FAM117B: variants seen among roughly 807,000 people sequenced by gnomAD.
FAM117B encodes the protein family with sequence similarity 117 member B.
FAM117B carries 22 observed loss-of-function variants against 52.8 expected under a neutral mutation model. The observed-to-expected ratio is 0.42, with a 90% confidence interval of 0.30 to 0.59. FAM117B has a LOEUF of 0.59. FAM117B is among the 20% of genes least tolerant of loss of function. The pLI, the probability that FAM117B is intolerant of heterozygous loss-of-function variation, is 0.22. For missense variants in FAM117B, 678 were observed against 802.6 expected (o/e 0.84, Z 1.88); for synonymous variants, 309 against 324.1 (o/e 0.95, Z 0.50).
At chr2:202,716,801 AAAGACTCTAATGCATTCTT>A (rs1257471526) in intron 2 of FAM117B, among the ~76,000 whole-genome samples, 1 of 152,046 alleles carries the variant, frequency 6.6e-6, no homozygotes, top group African/African-American at 2.4e-5. Context: ...TCTACTACTA[AAAGACTCTAATGCATTCTT>A]AAGTATGTCA....
chr2:202,739,221 C>A (rs1042919896), intron 4 of FAM117B, among the ~76,000 whole-genome samples: 6 of 152,126 alleles, frequency 3.9e-5, no homozygotes, highest in Non-Finnish European at 8.8e-5. Context: ...CCCATATGTT[C>A]TGTTGTTTTC....
intron 2 of FAM117B, among the ~76,000 whole-genome samples, chr2:202,705,143 C>T (rs1393702101): frequency 6.6e-6 from 1 of 151,806 alleles, no homozygotes; most frequent in African/African-American, 2.4e-5. Context: ...CCCATCTCTA[C>T]TAAAAATACA....
intron 1 of FAM117B, among the ~76,000 whole-genome samples, chr2:202,640,297 T>TATATATAC (rs1689750340): frequency 6.0e-5 from 1 of 16,600 alleles, no homozygotes; most frequent in African/African-American, 2.3e-4. Flanking sequence ...CACCACAAAA[T>TATATATAC]ATATATATAT....
chr2:202,652,597 G>A (rs1271213338), intron 1 of FAM117B, among the ~76,000 whole-genome samples: 4 of 152,174 alleles, frequency 2.6e-5, no homozygotes, highest in East Asian at 3.8e-4. Context: ...TGATATGGCC[G>A]TATGTGGCTC....
intron 2 of FAM117B, among the ~76,000 whole-genome samples, chr2:202,697,536 T>G (rs1275693938): frequency 2.7e-5 from 4 of 149,834 alleles, no homozygotes; most frequent in African/African-American, 1.0e-4. Flanking sequence ...TTTTGAAGAT[T>G]TTTTTTTTCT....
At chr2:202,735,371 CTT>C (rs1210969425) in intron 4 of FAM117B, among the ~76,000 whole-genome samples, 3 of 152,262 alleles carry the variant, frequency 2.0e-5, no homozygotes, top group Non-Finnish European at 4.4e-5. Context: ...AAATTAATCT[CTT>C]AACATTGAAG....
chr2:202,644,053 G>GTTTT lies in FAM117B; in HGVS notation c.601+8272_601+8275dup, dbSNP rs1219743876. Among the ~76,000 whole-genome samples, 561 of 59,806 alleles carry GTTTT rather than the reference G, an allele frequency of 9.4e-3. 51 individuals carry two copies. The highest frequency in any genetic ancestry group is 0.031 in the African/African-American group (388 of 12,380). 39.2% of individuals were successfully genotyped at this position (59,806 alleles called of 152,430 possible). ...ATGCTATACTACTGCTTTAGGAGCT[G>GTTTT]TTTTTTTTTTGTTTTTTTTTTTTTT... On this transcript the variant is annotated intron_variant, in intron 1 of 7. Coordinates refer to ENST00000392238, the MANE Select transcript of FAM117B (RefSeq NM_173511.4).
At chr2:202,763,387 T>G (rs1317791568) in intron 7 of FAM117B, among the ~76,000 whole-genome samples, 1 of 152,192 alleles carries the variant, frequency 6.6e-6, no homozygotes, top group African/African-American at 2.4e-5. Flanking sequence ...AAGTCATTTT[T>G]AAGAAGATAA....
chr2:202,682,520 G>A (rs1045513142), intron 1 of FAM117B, among the ~76,000 whole-genome samples: 2 of 152,208 alleles, frequency 1.3e-5, no homozygotes, highest in African/African-American at 4.8e-5. Context: ...ATGCCGAAGT[G>A]GCTGGCTAGT....
chr2:202,714,953 C>T (rs1691020849), intron 2 of FAM117B, among the ~76,000 whole-genome samples: 1 of 152,212 alleles, frequency 6.6e-6, no homozygotes, highest in Admixed American at 6.5e-5. Context: ...GACACAGCAA[C>T]CATCCGATTT....
intron 2 of FAM117B, among the ~76,000 whole-genome samples, chr2:202,714,686 C>T (rs1174917576): frequency 2.0e-5 from 3 of 151,764 alleles, no homozygotes; most frequent in African/African-American, 7.3e-5. Context: ...CGGCCTTCCG[C>T]AGTGTTTGTG....
At chr2:202,683,486 G>A (rs2105771259) in intron 1 of FAM117B, among the ~76,000 whole-genome samples, 1 of 152,262 alleles carries the variant, frequency 6.6e-6, no homozygotes, top group South Asian at 2.1e-4. Flanking sequence ...GAATGAAAAA[G>A]TAGATGTTAC....
chr2:202,745,945 A>G (rs1244818676), intron 4 of FAM117B, among the ~76,000 whole-genome samples: 1 of 152,234 alleles, frequency 6.6e-6, no homozygotes. Context: ...CCAAGTGTAT[A>G]ATGCAAACAG....
chr2:202,745,493 A>C (rs1691618005), intron 4 of FAM117B, among the ~76,000 whole-genome samples: 1 of 152,312 alleles, frequency 6.6e-6, no homozygotes, highest in East Asian at 1.9e-4. Flanking sequence ...TTATCACTAC[A>C]AGAAGCCCAC....
At chr2:202,689,507 T>A (rs1315427785) in intron 1 of FAM117B, among the ~76,000 whole-genome samples, 2 of 152,212 alleles carry the variant, frequency 1.3e-5, no homozygotes, top group Admixed American at 6.5e-5. Flanking sequence ...TAGGTTTCTT[T>A]ATGCTGAATA....
intron 5 of FAM117B, among the ~76,000 whole-genome samples, chr2:202,755,908 AT>A (rs1218364366): frequency 2.6e-5 from 4 of 152,168 alleles, no homozygotes; most frequent in African/African-American, 9.7e-5. Flanking sequence ...AACAGAAACT[AT>A]TTTTTGTTTG....
chr2:202,699,945 C>T (rs1472817925), intron 2 of FAM117B, among the ~76,000 whole-genome samples: 3 of 152,142 alleles, frequency 2.0e-5, no homozygotes, highest in Non-Finnish European at 4.4e-5. Context: ...TTATGGTGAT[C>T]TGTGCTCAGT....
At chr2:202,762,071 G>A (rs1178521918) in intron 7 of FAM117B, among the ~76,000 whole-genome samples, 2 of 151,982 alleles carry the variant, frequency 1.3e-5, no homozygotes, top group African/African-American at 4.8e-5. Context: ...GTGTCTTTTT[G>A]TCCCAGATAT....
Position 202,692,963 on chromosome 2 carries a change from A to C in FAM117B, c.602-2918A>C, listed in dbSNP as rs143226950. ...TTTTTATGGATTACAAAATATTTTA[A>C]TTTGTCCCCCAACCATTAAAAAATG... On this transcript the variant is annotated intron_variant, in intron 1 of 7. Transcript: ENST00000392238. 3.0e-3 allele frequency among the ~76,000 whole-genome samples: 450 copies of C among 152,284 alleles called. 6 individuals are homozygous for C. The highest frequency in any genetic ancestry group is 9.7e-3 in the African/African-American group (403 of 41,554).
Sources: gnomAD v4.1 joint callset for allele counts (sites outside exome capture counted in the v4.1 genomes callset) on GRCh38, gnomAD v4.1.1 for gene constraint, MANE v1.5 for transcripts, NCBI Gene and HGNC (gene_info 2026-07-23, HGNC 2026-07-21) for gene names.